The following BICDL1 variants were observed in gnomAD, a reference collection of about 807,000 sequenced individuals.
BICDL1 encodes BICD family like cargo adaptor 1.
Under a neutral mutation model 76.8 loss-of-function variants are expected in BICDL1, and 20 were observed. The ratio of observed to expected loss-of-function variants is 0.26; its 90% CI spans 0.18 to 0.38. The LOEUF (loss-of-function observed/expected upper bound fraction) is 0.38, where lower values mean the gene tolerates loss of function less well. Among genes scored for constraint, BICDL1 ranks in the 10% least tolerant of loss-of-function variants. The pLI, the probability that BICDL1 is intolerant of heterozygous loss-of-function variation, is 1.00. For synonymous variants in BICDL1, 383 were observed against 337.1 expected, an observed-to-expected ratio of 1.14 and a Z score of -1.49; for missense variants, 700 against 798.6, an observed-to-expected ratio of 0.88 and a Z score of 1.49.
At chr12:120,009,241 C>A (rs1951908248) in intron 2 of BICDL1, among the ~76,000 whole-genome samples, 1 of 152,252 alleles carries the variant, frequency 6.6e-6, no homozygotes, top group East Asian at 1.9e-4. Flanking sequence ...CCGCCTCGGC[C>A]TCCCAAAGTG....
At chr12:120,050,340 C>T (rs1455968903) in intron 2 of BICDL1, among the ~76,000 whole-genome samples, 1 of 150,662 alleles carries the variant, frequency 6.6e-6, no homozygotes, top group Non-Finnish European at 1.5e-5. Flanking sequence ...GATCTCGGCT[C>T]ACTGCAAGCT....
chr12:120,071,926 C>T lies in BICDL1; in HGVS notation c.1089+125C>T. The T allele has an allele frequency of 7.2e-7, 1 of 1,397,394 alleles. No individual in the cohort carries two copies. Among genetic ancestry groups the T allele is most frequent in the Non-Finnish European group, 9.3e-7 (1 of 1,075,492 alleles). The allele number at this position is 1,397,394 out of a possible 1,614,324, so 86.6% of individuals were successfully genotyped here. ...CCCTGTGCCTGTGTCAGCCCCTTGG[C>T]CTGCTGGCTAGAGTGTCATGAAGCA... On this transcript the variant is annotated intron_variant, in intron 5 of 9. Coordinates refer to ENST00000548673, the MANE Select transcript of BICDL1 (RefSeq NM_001367886.1). This position sits in a 1 kb window ranked among gnomAD's most constrained non-coding sequence, Gnocchi z 4.8.
intron 4 of BICDL1, among the ~76,000 whole-genome samples, chr12:120,069,636 G>A (rs576546140): frequency 6.6e-6 from 1 of 152,282 alleles, no homozygotes; most frequent in Admixed American, 6.5e-5. Flanking sequence ...CTATCCAGAT[G>A]CTACTCCCGT....
intron 2 of BICDL1, among the ~76,000 whole-genome samples, chr12:120,002,180 T>C (rs1951772438): frequency 6.6e-6 from 1 of 152,174 alleles, no homozygotes; most frequent in Non-Finnish European, 1.5e-5. Flanking sequence ...CTCCTAACCT[T>C]ATAAGGACGC....
In BICDL1 at chr12:119,990,310, C is replaced by T. The variant is rs1951491092; in HGVS notation, c.429+13C>T. The T allele has an allele frequency of 6.4e-7, 1 of 1,553,902 alleles. No homozygotes were observed. The highest frequency in any genetic ancestry group is 8.7e-7 in the Non-Finnish European group (1 of 1,149,510). On this transcript the variant is annotated intron_variant, in intron 1 of 9. Transcript: ENST00000548673. ...AGACAAGCTCGAGGTGAGGACCTCC[C>T]TCCAGGGATGGGTGGGGAGCAGGGG...
chr12:120,057,817 G>GC (rs1354901886), intron 2 of BICDL1, among the ~76,000 whole-genome samples: 17 of 113,642 alleles, frequency 1.5e-4, no homozygotes, highest in Non-Finnish European at 1.9e-4. Context: ...AGCGATTCCT[G>GC]CTTTTTTTTT....
chr12:120,089,271 CGT>C (rs138992612), intron 8 of BICDL1, among the ~76,000 whole-genome samples: 14,001 of 146,500 alleles, frequency 0.096, 774 homozygotes, highest in African/African-American at 0.16. Flanking sequence ...CCTTTTTCAA[CGT>C]GTGTGTGTGT....
chr12:120,094,222 G>C lies in BICDL1; in HGVS notation c.*1061G>C, dbSNP rs368591433. The C allele has an allele frequency of 8.8e-6, 4 of 456,462 alleles. No homozygotes were observed. Among genetic ancestry groups the C allele is most frequent in the East Asian group, 1.4e-4 (2 of 14,354 alleles). The allele number at this position is 456,462 out of a possible 1,614,324, so 28.3% of individuals were successfully genotyped here. On this transcript the variant is annotated 3_prime_UTR_variant, in exon 10 of 10. Transcript: ENST00000548673. The stretch of plus-strand genomic sequence containing the variant: ...ACCCAGGCCCCAACTCAGAGGCTCC[G>C]CGGCCCGGCCAGCCCTCAGCTGCTC...
intron 2 of BICDL1, among the ~76,000 whole-genome samples, chr12:120,009,796 A>G (rs1038430355): frequency 6.6e-5 from 10 of 152,242 alleles, no homozygotes; most frequent in Non-Finnish European, 2.9e-5. Context: ...TTTGAAAAAC[A>G]AAATATCTGT....
At chr12:120,077,614 C>T (rs1873656286) in intron 7 of BICDL1, among the ~76,000 whole-genome samples, 1 of 152,242 alleles carries the variant, frequency 6.6e-6, no homozygotes, top group Admixed American at 6.5e-5. Flanking sequence ...GGGGCATGAA[C>T]ATGCAGAGAG....
intron 9 of BICDL1, chr12:120,090,671 A>G: frequency 2.8e-6 from 1 of 363,316 alleles, no homozygotes; most frequent in Non-Finnish European, 5.4e-6. Context: ...TATAAACATT[A>G]ATATTTCTCC....
chr12:120,093,206 C>G lies in BICDL1; in HGVS notation c.*45C>G, dbSNP rs1360387768. On this transcript the variant is annotated 3_prime_UTR_variant, in exon 10 of 10. Transcript: ENST00000548673. ...CCAAAGATGGGTGGACTGGAGGCAG[C>G]TGGAAAGGCGGTGCAGGCAAGGCCT... is the stretch of plus-strand genomic sequence containing the variant. The G allele has an allele frequency of 6.4e-7, 1 of 1,552,232 alleles. No homozygotes were observed. The highest frequency in any genetic ancestry group is 2.4e-5 in the East Asian group (1 of 41,034).
Position 120,064,765 on chromosome 12 carries a change from G to C in BICDL1, c.795G>C (p.Leu265=). The C allele has an allele frequency of 2.5e-6, 4 of 1,613,206 alleles. No individual in the cohort carries two copies. The highest frequency in any genetic ancestry group is 3.4e-6 in the Non-Finnish European group (4 of 1,179,612). Reference sequence around the variant, plus strand: ...TGCTGTCAGATCGGAAACGGGAGCTGGAGCATCGTCTCAGCGCTACTTTAG... The same window carrying C: ...TGCTGTCAGATCGGAAACGGGAGCTCGAGCATCGTCTCAGCGCTACTTTAG... ...IKMLSDRKRE[L]EHRLSATLEE... The change falls in exon 4 of 10, where the codon CTG becomes CTC. Residue 265 remains leucine, a synonymous_variant. Coordinates refer to ENST00000548673, the MANE Select transcript of BICDL1 (RefSeq NM_001367886.1).
chr12:120,037,105 G>A (rs191567623), intron 2 of BICDL1, among the ~76,000 whole-genome samples: 1 of 152,238 alleles, frequency 6.6e-6, no homozygotes, highest in East Asian at 1.9e-4. Context: ...TTCATGTCCT[G>A]CTTGAATGCA....
At chr12:120,080,822 T>C in intron 7 of BICDL1, 65 bp from the exon 8 acceptor site, 1 of 1,582,070 alleles carries the variant, frequency 6.3e-7, no homozygotes, top group East Asian at 2.3e-5. Flanking sequence ...TTTGTTCCTT[T>C]TTCCCTCTTG....
chr12:120,039,637 CA>C (rs58284420), intron 2 of BICDL1, among the ~76,000 whole-genome samples: 81 of 54,760 alleles, frequency 1.5e-3, no homozygotes, highest in South Asian at 5.0e-3. Context: ...GACTCCGTCT[CA>C]AAAAAAAAAA....
Position 120,074,505 on chromosome 12 carries a change from G to A in BICDL1, c.1371G>A (p.Ser457=), listed in dbSNP as rs200677717. Residue 457 remains serine (S), a synonymous_variant, in exon 7 of 10, where the codon TCG becomes TCA. Coordinates refer to ENST00000548673, the MANE Select transcript of BICDL1 (RefSeq NM_001367886.1). ...AGATAAGGCAGACCAGTGAGGACTC[G>A]AGAGCCCTAAGGGAGCTCATGGAGG... ...EEQIRQTSED[S]RALRELMEGE... is the part of the protein sequence containing the mutation. 4.4e-5 allele frequency: 57 copies of A among 1,281,534 alleles called. No individual in the cohort carries two copies. The highest frequency in any genetic ancestry group is 1.7e-4 in the Admixed American group (7 of 42,184). The allele number at this position is 1,281,534 out of a possible 1,614,324, so 79.4% of individuals were successfully genotyped here.
At chr12:120,081,096 T>A in intron 8 of BICDL1, 79 bp downstream of exon 8, 1 of 1,438,234 alleles carries the variant, frequency 7.0e-7, no homozygotes, top group Non-Finnish European at 9.5e-7. Flanking sequence ...TTTTTTAAAT[T>A]AAATCATACA....
intron 4 of BICDL1, among the ~76,000 whole-genome samples, chr12:120,065,580 A>G (rs994886138): frequency 2.0e-5 from 3 of 152,248 alleles, no homozygotes; most frequent in African/African-American, 7.2e-5. Context: ...TCTGCTACCA[A>G]GATGCTTTGC....
Sources: gnomAD v4.1 joint callset for allele counts (sites outside exome capture counted in the v4.1 genomes callset) on GRCh38, gnomAD v4.1.1 for gene constraint, Gnocchi (gnomAD v3.1) non-coding constraint, MANE v1.5 for transcripts, NCBI Gene and HGNC (gene_info 2026-07-23, HGNC 2026-07-21) for gene names.